ARHGEF3: variants seen among roughly 807,000 people sequenced by gnomAD.
ARHGEF3 encodes Rho guanine nucleotide exchange factor 3.
Under a neutral mutation model 63.2 loss-of-function variants are expected in ARHGEF3, and 28 were observed. That is an observed-to-expected ratio of 0.44 (90% CI 0.33 to 0.61). The LOEUF is 0.61. Among genes scored for constraint, ARHGEF3 ranks in the 20% least tolerant of loss-of-function variants. The pLI is 0.03. For missense variants in ARHGEF3, 533 were observed against 659.3 expected, an observed-to-expected ratio of 0.81 and a Z score of 2.10; for synonymous variants, 266 against 254.2, an observed-to-expected ratio of 1.05 and a Z score of -0.44.
At chr3:56,866,521 G>C (rs1186855739) in intron 4 of ARHGEF3, among the ~76,000 whole-genome samples, 2 of 152,108 alleles carry the variant, frequency 1.3e-5, no homozygotes, top group African/African-American at 4.8e-5. Context: ...AACAATGCTG[G>C]GTCTCCTCAA....
At chr3:56,999,688 T>C (rs963037802) in intron 2 of ARHGEF3, among the ~76,000 whole-genome samples, 4 of 152,114 alleles carry the variant, frequency 2.6e-5, no homozygotes, top group Non-Finnish European at 4.4e-5. Flanking sequence ...TTCCAGCTAC[T>C]TGGGAGGATG....
intron 2 of ARHGEF3, among the ~76,000 whole-genome samples, chr3:57,029,215 G>T (rs887566467): frequency 1.3e-5 from 2 of 152,184 alleles, no homozygotes; most frequent in East Asian, 3.9e-4. Context: ...CAGATCACCT[G>T]AGGTCGGGAG....
chr3:57,007,418 C>G, intron 2 of ARHGEF3: 1 of 1,239,188 alleles, frequency 8.1e-7, no homozygotes, highest in Non-Finnish European at 1.1e-6. Context: ...TTGTTTATTC[C>G]AAAATCAGGC....
chr3:56,916,372 A>G (rs1252428223), intron 3 of ARHGEF3: 1 of 1,533,572 alleles, frequency 6.5e-7, no homozygotes, highest in Admixed American at 2.0e-5. Context: ...ACCCGGACTC[A>G]CCGGCTCCTA....
At chr3:56,915,488 A>C (rs546974390) in intron 3 of ARHGEF3, among the ~76,000 whole-genome samples, 21 of 152,164 alleles carry the variant, frequency 1.4e-4, no homozygotes, top group African/African-American at 5.1e-4. Context: ...CAAACAAACA[A>C]ATAAAGAACA....
intron 2 of ARHGEF3, among the ~76,000 whole-genome samples, chr3:56,966,846 T>TTAA: frequency 1.4e-5 from 2 of 144,914 alleles, no homozygotes; most frequent in African/African-American, 5.2e-5. Context: ...CCTTTTTTTT[T>TTAA]TTAATTATTA....
intron 1 of ARHGEF3, among the ~76,000 whole-genome samples, chr3:57,048,929 G>C (rs188430162): frequency 2.6e-4 from 39 of 152,322 alleles, no homozygotes; most frequent in Non-Finnish European, 4.4e-4. Context: ...GAGGATGTCA[G>C]AGCTAGGAGG....
At chr3:56,925,139 C>A (rs995475914) in intron 3 of ARHGEF3, among the ~76,000 whole-genome samples, 14 of 152,238 alleles carry the variant, frequency 9.2e-5, no homozygotes, top group African/African-American at 3.4e-4. Context: ...CCGCTGCAGA[C>A]CCCATTCTGC....
chr3:57,076,769 A>G (rs1040106469), intron 1 of ARHGEF3: 1 of 152,250 alleles, frequency 6.6e-6, no homozygotes, highest in African/African-American at 2.4e-5. Flanking sequence ...ATGGGTGTTC[A>G]TTCACTCAGG....
intron 2 of ARHGEF3, among the ~76,000 whole-genome samples, chr3:57,013,933 G>C (rs1176352380): frequency 6.6e-6 from 1 of 152,164 alleles, no homozygotes; most frequent in African/African-American, 2.4e-5. Context: ...GCAACTCTTT[G>C]GGTCAATTTC....
chr3:56,951,786 G>C (rs1282994887), intron 3 of ARHGEF3, among the ~76,000 whole-genome samples: 1 of 151,766 alleles, frequency 6.6e-6, no homozygotes, highest in African/African-American at 2.4e-5. Flanking sequence ...TTAGTATGAG[G>C]TGAATATTGC....
At chr3:56,972,541 C>CG (rs1180945792) in intron 2 of ARHGEF3, among the ~76,000 whole-genome samples, 1 of 151,850 alleles carries the variant, frequency 6.6e-6, no homozygotes, top group East Asian at 1.9e-4. Flanking sequence ...GGTAGGGGAT[C>CG]GGGGGTGGTG....
chr3:57,027,420 T>G (rs4147390), intron 2 of ARHGEF3, among the ~76,000 whole-genome samples: 1 of 151,928 alleles, frequency 6.6e-6, no homozygotes, highest in South Asian at 2.1e-4. Flanking sequence ...CCACTCCCAC[T>G]CTTGGAGCAG....
intron 4 of ARHGEF3, among the ~76,000 whole-genome samples, chr3:56,830,574 C>A (rs894655654): frequency 6.6e-6 from 1 of 152,200 alleles, no homozygotes; most frequent in Non-Finnish European, 1.5e-5. Context: ...TAGATCTTAG[C>A]ACTGACTCTC....
chr3:56,746,972 T>G (rs948676061), intron 6 of ARHGEF3, among the ~76,000 whole-genome samples: 1 of 152,100 alleles, frequency 6.6e-6, no homozygotes, highest in African/African-American at 2.4e-5. Context: ...GTTGCAGACA[T>G]TTTTTCCCTC....
chr3:56,997,808 T>C (rs919127762), intron 2 of ARHGEF3, among the ~76,000 whole-genome samples: 1 of 152,096 alleles, frequency 6.6e-6, no homozygotes, highest in African/African-American at 2.4e-5. Context: ...AACTGAAAGA[T>C]TTTCTATTTT....
intron 2 of ARHGEF3, among the ~76,000 whole-genome samples, chr3:57,000,078 G>T (rs9836188): frequency 6.6e-6 from 1 of 151,964 alleles, no homozygotes; most frequent in Non-Finnish European, 1.5e-5. Flanking sequence ...CTGTATCCTA[G>T]GCTGATTGTG....
chr3:57,039,534 A>G (rs978986206), intron 1 of ARHGEF3, among the ~76,000 whole-genome samples: 5 of 152,202 alleles, frequency 3.3e-5, no homozygotes, highest in African/African-American at 1.2e-4. Flanking sequence ...CCACACGCTT[A>G]GTGACTTAAA....
At chr3:56,822,126 C>T (rs2038530909) in intron 4 of ARHGEF3, among the ~76,000 whole-genome samples, 1 of 152,142 alleles carries the variant, frequency 6.6e-6, no homozygotes, top group African/African-American at 2.4e-5. Flanking sequence ...AATAGACTAG[C>T]TACTAAGTAT....
Sources: allele counts gnomAD v4.1 joint callset (sites outside exome capture counted in the v4.1 genomes callset), GRCh38; gene constraint gnomAD v4.1.1; transcripts MANE v1.5; gene names NCBI Gene and HGNC (gene_info 2026-07-23, HGNC 2026-07-21).